PHKG2: variants seen among roughly 807,000 people sequenced by gnomAD.
PHKG2 encodes phosphorylase kinase catalytic subunit gamma 2.
PHKG2 carries 28 observed loss-of-function variants against 44.5 expected under a neutral mutation model. The observed-to-expected ratio is 0.63, with a 90% CI of 0.47 to 0.86. PHKG2 has a LOEUF of 0.86. Among genes scored for constraint, PHKG2 ranks in the 40% least tolerant of loss-of-function variants. PHKG2 has a pLI of 0.00. For missense variants in PHKG2, 498 were observed against 547.5 expected (o/e 0.91, Z 0.90); for synonymous variants, 220 against 211.2 (o/e 1.04, Z -0.36).
chr16:30,757,753 G>A lies in PHKG2; in HGVS notation c.*656G>A. The A allele has an allele frequency of 3.4e-6, 5 of 1,481,518 alleles. No homozygotes were observed. The South Asian group carries it at 5.5e-5, about 16-fold the overall frequency. 91.8% of individuals were successfully genotyped at this position (1,481,518 alleles called of 1,614,324 possible). A position where few individuals can be genotyped will look rare whatever the true frequency, so the allele number is the denominator to read the frequency against. On this transcript the variant is annotated 3_prime_UTR_variant, in exon 10 of 10. Transcript: ENST00000563588. ...GCAAACAGTCCCCAAATTTCCCCTG[G>A]TGGGGATATAGAGGTAGCAATGTTG...
In PHKG2 at chr16:30,760,333, C is replaced by A; in HGVS notation, c.*3236C>A. On this transcript the variant is annotated 3_prime_UTR_variant, in exon 10 of 10. Transcript: ENST00000563588. ...GGAGCAGGGCACAAGCCGCTGACGT[C>A]TGCTCCAGTGAGAAGCCCTGCTGGC... 6.2e-7 allele frequency: 1 copy of A among 1,614,240 alleles called. No individual in the cohort carries two copies. Among genetic ancestry groups the A allele is most frequent in the Non-Finnish European group, 8.5e-7 (1 of 1,180,046 alleles).
In PHKG2 at chr16:30,754,994, G is replaced by A. The variant is rs144101966; in HGVS notation, c.557-1188G>A. ...TCCCAACAAAGTCAGTTTCAATTCG[G>A]GGCTGTTAAAATCTCCTGGAAGTGT... On this transcript the variant is annotated intron_variant, in intron 6 of 9. Transcript: ENST00000563588. 121 of 440,916 alleles carry A rather than the reference G, an allele frequency of 2.7e-4. No individual in the cohort carries two copies. The East Asian group carries it at 8.1e-3, about 29-fold the overall frequency. 27.3% of individuals were successfully genotyped at this position (440,916 alleles called of 1,614,324 possible).
rs1430359554 is a variant in PHKG2 at position 30,758,261 on chromosome 16, CG to C, written c.*1168del. ...TAACTTTTTGTATTTTTAGTAGAGA[CG>C]GGGTTTCACAGTGTTAGCCAGGATG... On this transcript the variant is annotated 3_prime_UTR_variant, in exon 10 of 10. Coordinates refer to ENST00000563588, the MANE Select transcript of PHKG2 (RefSeq NM_000294.3). The C allele has an allele frequency of 6.6e-6, 1 of 152,230 alleles. No individual in the cohort carries two copies. Among genetic ancestry groups the C allele is most frequent in the Non-Finnish European group, 1.5e-5 (1 of 68,236 alleles). 9.4% of individuals were successfully genotyped at this position (152,230 alleles called of 1,614,324 possible). A position where few individuals can be genotyped will look rare whatever the true frequency, so the allele number is the denominator to read the frequency against.
Position 30,748,874 on chromosome 16 carries a change from A to G in PHKG2, c.54A>G (p.Lys18=). 1 of 1,554,916 alleles carries G rather than the reference A, an allele frequency of 6.4e-7. No homozygotes were observed. The highest frequency in any genetic ancestry group is 8.7e-7 in the Non-Finnish European group (1 of 1,148,704). The part of the protein sequence containing the change: ...EDELPDWAAA[K]EFYQKYDPKD... ...AGCTGCCCGACTGGGCCGCCGCCAAAGAGTTTTACCAGAAGTACGACCCTA... is the reference window on the plus strand; with the variant it reads ...AGCTGCCCGACTGGGCCGCCGCCAAGGAGTTTTACCAGAAGTACGACCCTA... The change falls in exon 2 of 10, where the codon AAA becomes AAG. Residue 18 remains lysine, a synonymous_variant. Transcript: ENST00000563588.
rs770947204 is a variant in PHKG2, at chr16:30,753,231, G to A, written c.327-1G>A. 3 of 1,612,142 alleles carry A rather than the reference G, an allele frequency of 1.9e-6. No homozygotes were observed. The highest frequency in any genetic ancestry group is 2.5e-6 in the Non-Finnish European group (3 of 1,178,286). ...GCCTCCTATGCCCCTCCTTCCCTTAGGATGCGGAAGGGAGAGCTGTTTGAC... is the reference window on the plus strand; with the variant it reads ...GCCTCCTATGCCCCTCCTTCCCTTAAGATGCGGAAGGGAGAGCTGTTTGAC... On this transcript the variant is annotated splice_acceptor_variant, in intron 4 of 9. Transcript: ENST00000563588. LOFTEE classifies it high-confidence loss of function.
intron 2 of PHKG2, among the ~76,000 whole-genome samples, chr16:30,750,541 C>T (rs2053330614): frequency 6.6e-6 from 1 of 152,206 alleles, no homozygotes; most frequent in African/African-American, 2.4e-5. Context: ...GAATGCCCTT[C>T]AACATCCCTT....
Position 30,753,539 on chromosome 16 carries a change from C to G in PHKG2, c.538C>G (p.Pro180Ala). ...TTTCGGGTTCTCCTGCCACTTGGAA[C>G]CTGGCGAGAAGCTTCGAGGTGAGGG... ...SDFGFSCHLEPGEKLRELCGT... is the reference protein window; with the variant it reads ...SDFGFSCHLEAGEKLRELCGT... The change falls in exon 6 of 10, where the codon CCT (proline) becomes GCT (alanine). Residue 180 changes from proline (P) to alanine (A), a missense_variant. By Grantham distance (27) the Pro-to-Ala change is conservative. Transcript: ENST00000563588. The G allele has an allele frequency of 6.2e-7, 1 of 1,614,102 alleles. No individual in the cohort carries two copies.
At chr16:30,751,692 C>A in intron 4 of PHKG2, 89 bp downstream of exon 4, 2 of 1,042,260 alleles carry the variant, frequency 1.9e-6, no homozygotes, top group African/African-American at 1.6e-5. Flanking sequence ...TGGACCCATC[C>A]TGCTCACACC....
At chr16:30,753,969 CTGA>C (rs2053384338) in intron 6 of PHKG2, among the ~76,000 whole-genome samples, 1 of 152,200 alleles carries the variant, frequency 6.6e-6, no homozygotes, top group South Asian at 2.1e-4. Flanking sequence ...TCAGGTTCAC[CTGA>C]TGTGAATACA....
rs2151305131 is a variant in PHKG2 at position 30,748,840 on chromosome 16, C to G, written c.20C>G (p.Pro7Arg). The G allele has an allele frequency of 6.4e-7, 1 of 1,552,630 alleles. No individual in the cohort carries two copies. The highest frequency in any genetic ancestry group is 8.7e-7 in the Non-Finnish European group (1 of 1,147,572). Residue 7 changes from proline (P) to arginine (R), a missense_variant, in exon 2 of 10, where the codon CCG (proline) becomes CGG (arginine). Transcript: ENST00000563588. ...TTCAGGATGACGCTGGACGTGGGGC[C>G]GGAGGATGAGCTGCCCGACTGGGCC... MTLDVG[P>R]EDELPDWAAA...
intron 6 of PHKG2, among the ~76,000 whole-genome samples, chr16:30,754,254 C>G (rs2053388404): frequency 6.6e-6 from 1 of 151,966 alleles, no homozygotes; most frequent in Non-Finnish European, 1.5e-5. Context: ...AAATCTCCAC[C>G]TCCTGGGTTC....
rs1379520011 is a variant in PHKG2, at chr16:30,759,496, T to G, written c.*2399T>G. The G allele has an allele frequency of 1.9e-6, 3 of 1,614,098 alleles. No homozygotes were observed. In the South Asian group the frequency reaches 3.3e-5, roughly 18 times the overall value. ...CTCGGAATTAGAACCCTGACTACCT[T>G]CCGGAGCCCTGGCTTTGCCTCCAAA... On this transcript the variant is annotated 3_prime_UTR_variant, in exon 10 of 10. Coordinates refer to ENST00000563588, the MANE Select transcript of PHKG2 (RefSeq NM_000294.3).
chr16:30,751,336 C>T (rs778182720), intron 3 of PHKG2, 55 bp downstream of exon 3: 5 of 1,570,982 alleles, frequency 3.2e-6, no homozygotes, highest in African/African-American at 1.3e-5. Context: ...TCCTGCTGGC[C>T]CTGCCCATAG....
intron 2 of PHKG2, among the ~76,000 whole-genome samples, chr16:30,750,087 G>A (rs1167787094): frequency 1.3e-5 from 2 of 152,140 alleles, no homozygotes; most frequent in Admixed American, 6.5e-5. Context: ...AAACTCAGAT[G>A]CCCTTAGTGG....
At chr16:30,752,042 C>A (rs1209548843) in intron 4 of PHKG2, 4 of 262,074 alleles carry the variant, frequency 1.5e-5, no homozygotes, top group Non-Finnish European at 3.0e-5. Context: ...GCAGTGAGCC[C>A]AGATTGCGCC....
Position 30,756,428 on chromosome 16 carries a change from C to T in PHKG2, c.709C>T (p.Arg237Trp), listed in dbSNP as rs374406482. ...TGGCTCGCCACCCTTCTGGCACCGG[C>T]GGCAGATCCTGATGTTACGCATGAT... is the stretch of plus-strand genomic sequence containing the variant. ...LAGSPPFWHR[R>W]QILMLRMIME... The change falls in exon 8 of 10, where the codon CGG becomes TGG. Residue 237 changes from arginine to tryptophan, a missense_variant. Physicochemically the swap from Arg to Trp is moderately radical, Grantham distance 101. Transcript: ENST00000563588. 6.8e-6 allele frequency: 11 copies of T among 1,613,842 alleles called. No individual in the cohort carries two copies. The highest frequency in any genetic ancestry group is 4.0e-5 in the African/African-American group (3 of 74,910).
intron 2 of PHKG2, among the ~76,000 whole-genome samples, chr16:30,750,888 C>A (rs971824122): frequency 6.6e-6 from 1 of 152,210 alleles, no homozygotes; most frequent in Non-Finnish European, 1.5e-5. Context: ...TGAACCCAGG[C>A]CCTACCTGCC....
chr16:30,755,401 G>A (rs1228243819), intron 6 of PHKG2: 1 of 155,894 alleles, frequency 6.4e-6, no homozygotes, highest in African/African-American at 2.4e-5. Context: ...TAGCTCGCCG[G>A]GCGCGGTAGC....
intron 2 of PHKG2, among the ~76,000 whole-genome samples, chr16:30,750,644 A>G (rs2053331822): frequency 6.6e-6 from 1 of 152,224 alleles, no homozygotes; most frequent in Non-Finnish European, 1.5e-5. Flanking sequence ...TGGGGTCTGC[A>G]CTAAGATCTA....
Sources: allele counts gnomAD v4.1 joint callset (sites outside exome capture counted in the v4.1 genomes callset), GRCh38; gene constraint gnomAD v4.1.1; transcripts MANE v1.5; gene names NCBI Gene and HGNC (gene_info 2026-07-23, HGNC 2026-07-21).